ITGB6: variants seen among roughly 807,000 people sequenced by gnomAD.
ITGB6 encodes integrin subunit beta 6.
Under a neutral mutation model 84.5 loss-of-function variants are expected in ITGB6, and 80 were observed. The observed-to-expected ratio is 0.95, with a 90% CI of 0.79 to 1.14. The LOEUF (loss-of-function observed/expected upper bound fraction) is 1.14, where lower values mean the gene tolerates loss of function less well. Ranked by LOEUF, ITGB6 falls within the 50% of genes most tolerant of loss-of-function variation. The pLI is 0.00. For synonymous variants in ITGB6, 383 were observed against 354.9 expected (o/e 1.08, Z -0.89); for missense variants, 1,006 against 968.0 (o/e 1.04, Z -0.52).
intron 14 of ITGB6, among the ~76,000 whole-genome samples, chr2:160,106,215 C>A (rs1438715951): frequency 1.3e-5 from 2 of 152,070 alleles, no homozygotes; most frequent in Non-Finnish European, 2.9e-5. Flanking sequence ...ATGTATTAAT[C>A]TTTTTTCAGT....
intron 13 of ITGB6, among the ~76,000 whole-genome samples, chr2:160,110,549 CCTATCA>C (rs1390116764): frequency 6.6e-6 from 1 of 152,198 alleles, no homozygotes; most frequent in Non-Finnish European, 1.5e-5. Context: ...AGCCTTCCCG[CCTATCA>C]TTCCTTGACT....
intron 10 of ITGB6, among the ~76,000 whole-genome samples, chr2:160,126,819 T>TGAAG (rs2105802242): frequency 6.6e-6 from 1 of 152,370 alleles, no homozygotes; most frequent in East Asian, 1.9e-4. Context: ...GTCTCCTAAC[T>TGAAG]GAAGATCCAC....
chr2:160,169,906 T>C (rs1027688712), intron 6 of ITGB6, among the ~76,000 whole-genome samples: 1 of 152,246 alleles, frequency 6.6e-6, no homozygotes, highest in Non-Finnish European at 1.5e-5. Flanking sequence ...AACTACATTG[T>C]ACTTCTGTTC....
intron 7 of ITGB6, among the ~76,000 whole-genome samples, chr2:160,164,304 T>C (rs979623100): frequency 1.3e-5 from 2 of 152,242 alleles, no homozygotes; most frequent in Non-Finnish European, 2.9e-5. Context: ...TGAATGACTA[T>C]GCAGTCTATA....
intron 10 of ITGB6, among the ~76,000 whole-genome samples, chr2:160,130,336 TCTCTATATA>T (rs149156911): frequency 1.0e-3 from 152 of 152,202 alleles, no homozygotes; most frequent in African/African-American, 3.5e-3. Flanking sequence ...CTATATATAT[TCTCTATATA>T]CTCTATATAT....
chr2:160,193,895 G>A (rs1243113453), intron 4 of ITGB6, among the ~76,000 whole-genome samples: 1 of 152,178 alleles, frequency 6.6e-6, no homozygotes, highest in African/African-American at 2.4e-5. Flanking sequence ...GGTGGCTCAC[G>A]CATGTAATCC....
At chr2:160,101,900 A>G in intron 14 of ITGB6, 66 bp from the exon 15 acceptor site, 1 of 849,882 alleles carries the variant, frequency 1.2e-6, no homozygotes, top group Non-Finnish European at 1.9e-6. Flanking sequence ...TTTAATACGT[A>G]GTGCAAATTG....
At chr2:160,147,507 A>G (rs781474605) in intron 7 of ITGB6, among the ~76,000 whole-genome samples, 15 of 152,232 alleles carry the variant, frequency 9.9e-5, no homozygotes, top group Non-Finnish European at 1.9e-4. Flanking sequence ...GGAAAGGCAA[A>G]TGATCCAGAA....
intron 12 of ITGB6, among the ~76,000 whole-genome samples, chr2:160,113,259 A>G (rs187074075): frequency 2.0e-5 from 3 of 152,384 alleles, no homozygotes; most frequent in African/African-American, 7.2e-5. Context: ...AAATAAAAAC[A>G]TTAATAAAGC....
At chr2:160,179,943 C>CAAA (rs60463723) in intron 4 of ITGB6, among the ~76,000 whole-genome samples, 1 of 102,996 alleles carries the variant, frequency 9.7e-6, no homozygotes, top group Non-Finnish European at 2.0e-5. Context: ...ACTAAAAATA[C>CAAA]AAAAAAAAAA....
At chr2:160,184,020 G>C (rs969731516) in intron 4 of ITGB6, among the ~76,000 whole-genome samples, 4 of 152,216 alleles carry the variant, frequency 2.6e-5, no homozygotes, top group African/African-American at 9.6e-5. Flanking sequence ...GCCCACAGGA[G>C]AAAGTGGGAA....
At chr2:160,179,943 C>CAAAAAAAA (rs60463723) in intron 4 of ITGB6, among the ~76,000 whole-genome samples, 19 of 102,970 alleles carry the variant, frequency 1.8e-4, no homozygotes, top group Admixed American at 3.2e-4. Flanking sequence ...ACTAAAAATA[C>CAAAAAAAA]AAAAAAAAAA....
At chr2:160,196,499 GT>G in intron 2 of ITGB6, 79 bp from the exon 3 acceptor site, 3 of 1,232,362 alleles carry the variant, frequency 2.4e-6, no homozygotes, top group Non-Finnish European at 3.5e-6. Flanking sequence ...GCAATTGAAA[GT>G]TTTTCTGCAC....
chr2:160,175,337 T>G (rs1179973771), intron 4 of ITGB6, among the ~76,000 whole-genome samples: 3 of 152,198 alleles, frequency 2.0e-5, no homozygotes, highest in African/African-American at 7.2e-5. Flanking sequence ...ACTCCCTAAT[T>G]AATACTTGCC....
chr2:160,197,047 T>C (rs932120446), intron 2 of ITGB6, among the ~76,000 whole-genome samples: 2 of 152,168 alleles, frequency 1.3e-5, no homozygotes, highest in Non-Finnish European at 2.9e-5. Context: ...AATTGACCTC[T>C]TGTGGACTTA....
intron 4 of ITGB6, among the ~76,000 whole-genome samples, chr2:160,187,860 C>G (rs1685966542): frequency 6.6e-6 from 1 of 151,990 alleles, no homozygotes; most frequent in Non-Finnish European, 1.5e-5. Flanking sequence ...TAACCATAAT[C>G]ATAAACTAAA....
intron 10 of ITGB6, among the ~76,000 whole-genome samples, chr2:160,131,072 T>TAAC (rs370387887): frequency 4.5e-4 from 68 of 151,824 alleles, no homozygotes; most frequent in Admixed American, 1.5e-3. Flanking sequence ...GTTCATACAA[T>TAAC]AACAACAACA....
At chr2:160,124,659 G>A (rs567937542) in intron 11 of ITGB6, among the ~76,000 whole-genome samples, 1 of 152,250 alleles carries the variant, frequency 6.6e-6, no homozygotes, top group Non-Finnish European at 1.5e-5. Context: ...TTCTTACTGT[G>A]GACACACATG....
At chr2:160,189,544 G>T (rs900662594) in intron 4 of ITGB6, among the ~76,000 whole-genome samples, 2 of 152,176 alleles carry the variant, frequency 1.3e-5, no homozygotes, top group African/African-American at 4.8e-5. Context: ...GTGGGCGAAG[G>T]ATATGAACAG....
Sources: allele counts gnomAD v4.1 joint callset (sites outside exome capture counted in the v4.1 genomes callset), GRCh38; gene constraint gnomAD v4.1.1; transcripts MANE v1.5; gene names NCBI Gene and HGNC (gene_info 2026-07-23, HGNC 2026-07-21).